Variants in FSTL5 observed in about 807,000 individuals in gnomAD.
FSTL5 encodes the protein follistatin-related protein 5.
FSTL5 carries 62 observed loss-of-function variants against 89.1 expected under a neutral mutation model. The observed-to-expected ratio is 0.70, with a 90% confidence interval of 0.57 to 0.86. FSTL5 has a LOEUF of 0.86. Ranked by LOEUF, FSTL5 falls within the 40% of genes least tolerant of loss-of-function variation. The probability of loss-of-function intolerance (pLI) is 0.00; values close to 1 mark genes in which losing one functional copy is unlikely to be tolerated. For synonymous variants in FSTL5, 383 were observed against 346.2 expected (o/e 1.11, Z -1.18); for missense variants, 1,057 against 1,001.6 (o/e 1.06, Z -0.75).
At chr4:161,548,308 C>T (rs1732073795) in intron 8 of FSTL5, among the ~76,000 whole-genome samples, 1 of 151,654 alleles carries the variant, frequency 6.6e-6, no homozygotes, top group Non-Finnish European at 1.5e-5. Flanking sequence ...ACATATGTCT[C>T]GTATGTACTG....
In FSTL5 at chr4:161,775,925, A is replaced by C; in HGVS notation, c.559T>G (p.Phe187Val). The change falls in exon 5 of 16, where the codon TTT (phenylalanine) becomes GTT (valine). Residue 187 changes from phenylalanine to valine, a missense_variant. This residue lies in a region of FSTL5 where 980 missense variants were observed against 903.2 expected (regional missense o/e 1.08). Coordinates refer to ENST00000306100, the MANE Select transcript of FSTL5 (RefSeq NM_020116.5). ...KLLVDQMFKY[F>V]DADSNGLVDI... The stretch of plus-strand genomic sequence containing the variant: ...ACAAGTCCATTACTGTCTGCATCAA[A>C]ATATTTAAACATTTGATCCACCAAT... 6.2e-7 allele frequency: 1 copy of C among 1,604,028 alleles called. No individual in the cohort carries two copies. The highest frequency in any genetic ancestry group is 8.5e-7 in the Non-Finnish European group (1 of 1,175,542).
chr4:162,113,290 T>A (rs1422400298), intron 1 of FSTL5, among the ~76,000 whole-genome samples: 1 of 133,100 alleles, frequency 7.5e-6, no homozygotes, highest in Non-Finnish European at 1.6e-5. Flanking sequence ...ATATCTCTTG[T>A]TTACCCTTTA....
chr4:161,773,141 C>T (rs180885238), intron 5 of FSTL5, among the ~76,000 whole-genome samples: 4 of 152,202 alleles, frequency 2.6e-5, no homozygotes, highest in Admixed American at 6.5e-5. Flanking sequence ...TGGCAAACCA[C>T]ATGGAGAAGA....
At chr4:161,529,019 T>A (rs28715396) in intron 10 of FSTL5, among the ~76,000 whole-genome samples, 4,427 of 143,100 alleles carry the variant, frequency 0.031, 601 homozygotes, top group African/African-American at 0.1. Context: ...GTAATATGAA[T>A]TAGGAGGTTC....
chr4:161,393,006 A>C (rs2110881168), intron 15 of FSTL5, among the ~76,000 whole-genome samples: 1 of 152,118 alleles, frequency 6.6e-6, no homozygotes, highest in South Asian at 2.1e-4. Flanking sequence ...TCTATTAAAT[A>C]TACAAAAATT....
intron 4 of FSTL5, among the ~76,000 whole-genome samples, chr4:161,880,692 A>G (rs2126910365): frequency 6.6e-6 from 1 of 152,300 alleles, no homozygotes; most frequent in East Asian, 1.9e-4. Context: ...ACATTCACAC[A>G]GTGAAATACC....
At chr4:161,607,704 C>A (rs781207892) in intron 7 of FSTL5, among the ~76,000 whole-genome samples, 2 of 152,136 alleles carry the variant, frequency 1.3e-5, no homozygotes, top group Non-Finnish European at 2.9e-5. Flanking sequence ...CTGAATAAAG[C>A]AAGCTGGTTT....
chr4:161,937,333 G>A (rs1004062806), intron 3 of FSTL5, among the ~76,000 whole-genome samples: 3 of 152,088 alleles, frequency 2.0e-5, no homozygotes, highest in African/African-American at 7.2e-5. Context: ...TCCAGATGGA[G>A]AGGGAAGGAA....
intron 3 of FSTL5, among the ~76,000 whole-genome samples, chr4:161,995,218 T>G (rs934166863): frequency 1.3e-5 from 2 of 152,212 alleles, no homozygotes; most frequent in Non-Finnish European, 2.9e-5. Context: ...ATAATAATGG[T>G]GTTTTTATGC....
chr4:162,085,037 GA>G (rs928357989), intron 2 of FSTL5, among the ~76,000 whole-genome samples: 2 of 151,870 alleles, frequency 1.3e-5, no homozygotes, highest in South Asian at 2.1e-4. Flanking sequence ...ATAGGGACGG[GA>G]AAAAAATCTA....
At chr4:161,397,769 A>AT (rs1731057190) in intron 15 of FSTL5, among the ~76,000 whole-genome samples, 2 of 151,930 alleles carry the variant, frequency 1.3e-5, no homozygotes, top group East Asian at 3.9e-4. Context: ...GAGAGAAAAT[A>AT]TGACAGAAAA....
chr4:161,582,440 C>T (rs1218530501), intron 8 of FSTL5, among the ~76,000 whole-genome samples: 2 of 152,160 alleles, frequency 1.3e-5, no homozygotes, highest in Non-Finnish European at 1.5e-5. Context: ...TATTGTTCCT[C>T]GTTCCCAACT....
chr4:162,108,101 C>T (rs1040646297), intron 2 of FSTL5, among the ~76,000 whole-genome samples: 1 of 152,000 alleles, frequency 6.6e-6, no homozygotes, highest in Non-Finnish European at 1.5e-5. Flanking sequence ...ATATGATGTT[C>T]CATACATGCT....
chr4:161,397,502 T>C (rs1238355215), intron 15 of FSTL5, among the ~76,000 whole-genome samples: 1 of 151,476 alleles, frequency 6.6e-6, no homozygotes, highest in Non-Finnish European at 1.5e-5. Context: ...TTGAGGTAAT[T>C]TAATATTAAA....
At chr4:161,828,797 ATAT>A (rs1442991443) in intron 4 of FSTL5, among the ~76,000 whole-genome samples, 1 of 152,108 alleles carries the variant, frequency 6.6e-6, no homozygotes, top group African/African-American at 2.4e-5. Flanking sequence ...TATTTATTAC[ATAT>A]TATTAGTACA....
At chr4:161,523,325 A>G (rs968296765) in intron 10 of FSTL5, among the ~76,000 whole-genome samples, 2 of 152,184 alleles carry the variant, frequency 1.3e-5, no homozygotes, top group African/African-American at 4.8e-5. Context: ...AGTCTTATGT[A>G]TATATAGGCA....
At chr4:161,502,725 G>A (rs1730338909) in intron 11 of FSTL5, among the ~76,000 whole-genome samples, 1 of 151,600 alleles carries the variant, frequency 6.6e-6, no homozygotes, top group Admixed American at 6.6e-5. Context: ...TAGAATTTTT[G>A]CAGCAGAATT....
chr4:162,145,229 A>G (rs897252912), intron 1 of FSTL5, among the ~76,000 whole-genome samples: 1 of 151,986 alleles, frequency 6.6e-6, no homozygotes, highest in African/African-American at 2.4e-5. Flanking sequence ...TAAGTAGTGA[A>G]AAGGAAATAT....
chr4:161,522,674 T>A (rs886790092), intron 10 of FSTL5, among the ~76,000 whole-genome samples: 1 of 151,600 alleles, frequency 6.6e-6, no homozygotes, highest in African/African-American at 2.4e-5. Flanking sequence ...AGATATTATG[T>A]TCTTGGAGAA....
Sources: gnomAD v4.1 joint callset for allele counts (sites outside exome capture counted in the v4.1 genomes callset) on GRCh38, gnomAD v4.1.1 for gene constraint, gnomAD v4.1.1 regional missense constraint, MANE v1.5 for transcripts, NCBI Gene and HGNC (gene_info 2026-07-23, HGNC 2026-07-21) for gene names.